Variants in MYO16 observed in about 807,000 individuals in gnomAD.
The protein encoded by MYO16 is myosin XVI.
MYO16 carries 94 observed loss-of-function variants against 205.3 expected under a neutral mutation model. The observed-to-expected ratio is 0.46, with a 90% CI of 0.39 to 0.54. MYO16 has a LOEUF of 0.54. MYO16 is among the 20% of genes least tolerant of loss of function. The pLI is 0.00. For synonymous variants in MYO16, 988 were observed against 954.0 expected (o/e 1.04, Z -0.66); for missense variants, 2,315 against 2,387.5 (o/e 0.97, Z 0.63).
chr13:108,934,900 T>C (rs1882411824), intron 16 of MYO16, among the ~76,000 whole-genome samples: 1 of 152,172 alleles, frequency 6.6e-6, no homozygotes, highest in Non-Finnish European at 1.5e-5. Flanking sequence ...CATTGTTTAC[T>C]TTTGCTGACT....
At chr13:108,771,615 C>T (rs1363530950) in intron 4 of MYO16, among the ~76,000 whole-genome samples, 2 of 152,100 alleles carry the variant, frequency 1.3e-5, no homozygotes, top group Admixed American at 6.5e-5. Context: ...AGTGTTTTTA[C>T]TGCCCTAACA....
intron 4 of MYO16, among the ~76,000 whole-genome samples, chr13:108,738,232 G>A (rs1168701856): frequency 6.6e-6 from 1 of 152,082 alleles, no homozygotes; most frequent in Non-Finnish European, 1.5e-5. Flanking sequence ...ATGTTAGGGT[G>A]TCAATTTTAG....
chr13:108,647,411 C>T (rs1880803220), intron 1 of MYO16, among the ~76,000 whole-genome samples: 1 of 152,114 alleles, frequency 6.6e-6, no homozygotes, highest in Non-Finnish European at 1.5e-5. Context: ...TTAATGGTTC[C>T]TGTGGCAGAA....
chr13:108,683,957 C>G (rs950740909), intron 2 of MYO16, among the ~76,000 whole-genome samples: 1 of 152,166 alleles, frequency 6.6e-6, no homozygotes, highest in Non-Finnish European at 1.5e-5. Context: ...CTCACAGCAA[C>G]CTCCGCCTCC....
intron 16 of MYO16, among the ~76,000 whole-genome samples, chr13:108,956,308 C>G (rs1487652915): frequency 1.3e-5 from 2 of 151,824 alleles, no homozygotes; most frequent in Non-Finnish European, 2.9e-5. Context: ...ACTGCCAGCT[C>G]TCTCTCCTCC....
At chr13:108,798,753 C>T (rs9555512) in intron 6 of MYO16, among the ~76,000 whole-genome samples, 34,570 of 120,624 alleles carry the variant, frequency 0.29, 5,180 homozygotes, top group Middle Eastern at 0.47. Flanking sequence ...GGCCGGACTG[C>T]GGACTGCAGT....
rs1884613198 is a variant in MYO16 at position 108,734,135 on chromosome 13, C to T, written c.507+6552C>T. Among the ~76,000 whole-genome samples the T allele has an allele frequency of 3.9e-5, 6 of 151,924 alleles. No homozygotes were observed. The South Asian group carries it at 1.2e-3, about 31-fold the overall frequency. Reference sequence around the variant, plus strand: ...GGTCATGATATTTTCATAAACAGATCAGCATATCACCAAATTTTATGTGTC... The same window carrying T: ...GGTCATGATATTTTCATAAACAGATTAGCATATCACCAAATTTTATGTGTC... On this transcript the variant is annotated intron_variant, in intron 4 of 34. Coordinates refer to ENST00000457511, the MANE Select transcript of MYO16 (RefSeq NM_001198950.3).
the MYO16 span, among the ~76,000 whole-genome samples, chr13:108,550,070 C>T: frequency 1.3e-5 from 2 of 152,240 alleles, no homozygotes; most frequent in African/African-American, 4.8e-5. Flanking sequence ...CACACAACTG[C>T]CTTTGTGGAC....
rs576965785 is a variant in MYO16, at chr13:108,966,367, A to G, written c.2369+1465A>G. Among the ~76,000 whole-genome samples, 9 of 152,328 alleles carry G rather than the reference A, an allele frequency of 5.9e-5. No individual in the cohort carries two copies. The East Asian group carries it at 1.5e-3, about 26-fold the overall frequency. Reference sequence around the variant, plus strand: ...AATGAATATATAAGTCCAGCTGTACATAGAAACTTCTAGAAAATTTTCATT... The same window carrying G: ...AATGAATATATAAGTCCAGCTGTACGTAGAAACTTCTAGAAAATTTTCATT... On this transcript the variant is annotated intron_variant, in intron 20 of 34. Transcript: ENST00000457511.
chr13:108,860,199 G>A lies in MYO16; in HGVS notation c.1359+4646G>A, dbSNP rs559889807. Reference sequence around the variant, plus strand: ...GGCCAAGTAGGCCCTGGTGACTACCGTTTCCTTCTTTGCATTCATAAGTTC... The same window carrying A: ...GGCCAAGTAGGCCCTGGTGACTACCATTTCCTTCTTTGCATTCATAAGTTC... On this transcript the variant is annotated intron_variant, in intron 11 of 34. Transcript: ENST00000457511. 4.1e-5 allele frequency among the ~76,000 whole-genome samples: 6 copies of A among 146,100 alleles called. No individual in the cohort carries two copies. The East Asian group carries it at 1.2e-3, about 30-fold the overall frequency.
At chr13:108,634,698 T>C (rs1340374372) in intron 1 of MYO16, among the ~76,000 whole-genome samples, 1 of 152,196 alleles carries the variant, frequency 6.6e-6, no homozygotes, top group Non-Finnish European at 1.5e-5. Flanking sequence ...ACCTGCCTCA[T>C]GTTCCTTAAT....
chr13:108,707,486 T>C (rs4772988), intron 2 of MYO16, among the ~76,000 whole-genome samples: 56,724 of 151,944 alleles, frequency 0.37, 11,574 homozygotes, highest in East Asian at 0.83. Context: ...GACTCAGTCT[T>C]TGATTGCAGG....
At chr13:108,875,666 A>G in intron 12 of MYO16, among the ~76,000 whole-genome samples, 1 of 152,174 alleles carries the variant, frequency 6.6e-6, no homozygotes. Flanking sequence ...AGAATATCTA[A>G]GCCCAAATAG....
At chr13:109,114,139 G>C (rs1484606085) in intron 28 of MYO16, among the ~76,000 whole-genome samples, 2 of 152,154 alleles carry the variant, frequency 1.3e-5, no homozygotes, top group Admixed American at 6.5e-5. Flanking sequence ...CAGACACACA[G>C]AGCAGGGGAC....
At chr13:108,519,522 T>C in the MYO16 span, among the ~76,000 whole-genome samples, 2 of 152,066 alleles carry the variant, frequency 1.3e-5, no homozygotes, top group African/African-American at 4.8e-5. Flanking sequence ...ACTGCATGTA[T>C]AAGCCAATTG....
intron 14 of MYO16, among the ~76,000 whole-genome samples, chr13:108,890,295 T>C (rs1248758090): frequency 1.3e-5 from 2 of 152,160 alleles, no homozygotes; most frequent in African/African-American, 2.4e-5. Context: ...CCTAGCTCTT[T>C]AGTCTGTCCA....
intron 31 of MYO16, among the ~76,000 whole-genome samples, chr13:109,139,715 G>A (rs1876947736): frequency 6.6e-6 from 1 of 152,196 alleles, no homozygotes; most frequent in Non-Finnish European, 1.5e-5. Flanking sequence ...GGTGGGGAAC[G>A]TGACTGGGGT....
At chr13:109,033,498 G>A (rs941755576) in intron 23 of MYO16, among the ~76,000 whole-genome samples, 6 of 152,108 alleles carry the variant, frequency 3.9e-5, no homozygotes, top group South Asian at 2.1e-4. Flanking sequence ...CCTGAGCTAC[G>A]TAGCAGGAAG....
chr13:109,023,995 T>C (rs1886268823), intron 23 of MYO16, among the ~76,000 whole-genome samples: 1 of 105,010 alleles, frequency 9.5e-6, no homozygotes, highest in Admixed American at 1.1e-4. Flanking sequence ...TTTCTATATG[T>C]ATATATAGAA....
Sources: gnomAD v4.1 joint callset for allele counts (sites outside exome capture counted in the v4.1 genomes callset) on GRCh38, gnomAD v4.1.1 for gene constraint, MANE v1.5 for transcripts, NCBI Gene and HGNC (gene_info 2026-07-23, HGNC 2026-07-21) for gene names.